Variants in FCHSD2 observed in about 807,000 individuals in gnomAD.
The protein encoded by FCHSD2 is FCH and double SH3 domains 2, also known as F-BAR and double SH3 domains protein 2.
In FCHSD2, 38 loss-of-function variants were observed where a neutral mutation model predicts 108.1. That is an observed-to-expected ratio of 0.35 (90% CI 0.27 to 0.46). The LOEUF (loss-of-function observed/expected upper bound fraction) is 0.46, where lower values mean the gene tolerates loss of function less well. Among genes scored for constraint, FCHSD2 ranks in the 20% least tolerant of loss-of-function variants. The pLI is 1.00. For synonymous variants in FCHSD2, 279 were observed against 314.7 expected, an observed-to-expected ratio of 0.89 and a Z score of 1.20; for missense variants, 751 against 897.8, an observed-to-expected ratio of 0.84 and a Z score of 2.09.
intron 2 of FCHSD2, among the ~76,000 whole-genome samples, chr11:73,136,135 G>C (rs1385330963): frequency 6.6e-6 from 1 of 151,078 alleles, no homozygotes; most frequent in African/African-American, 2.4e-5. Context: ...ATTCCAGCCT[G>C]GGCAACAGAG....
chr11:72,907,464 G>GTT (rs1363198556), intron 9 of FCHSD2, among the ~76,000 whole-genome samples: 2 of 147,820 alleles, frequency 1.4e-5, no homozygotes, highest in African/African-American at 4.9e-5. Flanking sequence ...AATATTGGCT[G>GTT]TGAGTCTGTC....
intron 10 of FCHSD2, among the ~76,000 whole-genome samples, chr11:72,898,170 T>C (rs1366575724): frequency 6.6e-6 from 1 of 152,196 alleles, no homozygotes; most frequent in Admixed American, 6.5e-5. Context: ...TGACTATACA[T>C]ATTCAATTGG....
chr11:73,038,140 T>C (rs991932071), intron 3 of FCHSD2, among the ~76,000 whole-genome samples: 6 of 151,978 alleles, frequency 3.9e-5, no homozygotes, highest in Non-Finnish European at 7.4e-5. Context: ...GGCCAGGAGT[T>C]CAAGCCAAGC....
At chr11:73,020,975 A>G (rs1312007096) in intron 3 of FCHSD2, among the ~76,000 whole-genome samples, 1 of 152,144 alleles carries the variant, frequency 6.6e-6, no homozygotes, top group Non-Finnish European at 1.5e-5. Flanking sequence ...CCTGGGCTCA[A>G]GTGATCCTCC....
chr11:73,000,669 CTA>C (rs1227434634), intron 5 of FCHSD2, among the ~76,000 whole-genome samples: 1 of 152,090 alleles, frequency 6.6e-6, no homozygotes, highest in African/African-American at 2.4e-5. Context: ...AACCTTGTAA[CTA>C]TTCTAATACA....
intron 3 of FCHSD2, among the ~76,000 whole-genome samples, chr11:73,016,773 A>G (rs990470937): frequency 6.6e-6 from 1 of 152,238 alleles, no homozygotes; most frequent in Non-Finnish European, 1.5e-5. Flanking sequence ...GTCACTTCAA[A>G]CAACAAAATA....
At chr11:72,877,430 G>A (rs896268069) in intron 12 of FCHSD2, among the ~76,000 whole-genome samples, 4 of 151,998 alleles carry the variant, frequency 2.6e-5, no homozygotes, top group African/African-American at 9.7e-5. Flanking sequence ...TTCTTTCAAG[G>A]AGAAATTCCT....
chr11:72,978,687 G>C (rs78861246), intron 8 of FCHSD2, among the ~76,000 whole-genome samples: 10,688 of 151,934 alleles, frequency 0.07, 504 homozygotes, highest in South Asian at 0.15. Context: ...TTTAAAAGTG[G>C]CACTTCCCCC....
chr11:72,853,579 TA>T (rs1374776088), intron 13 of FCHSD2, among the ~76,000 whole-genome samples: 1 of 152,140 alleles, frequency 6.6e-6, no homozygotes, highest in African/African-American at 2.4e-5. Flanking sequence ...CACACCCGGC[TA>T]ATCTTTTGTA....
intron 3 of FCHSD2, among the ~76,000 whole-genome samples, chr11:73,021,125 C>T (rs2135439266): frequency 6.6e-6 from 1 of 152,198 alleles, no homozygotes; most frequent in South Asian, 2.1e-4. Context: ...AATGCTCCCA[C>T]CTCTGCCTCC....
chr11:73,060,073 A>G (rs1342881599), intron 3 of FCHSD2, among the ~76,000 whole-genome samples: 1 of 152,226 alleles, frequency 6.6e-6, no homozygotes, highest in Non-Finnish European at 1.5e-5. Flanking sequence ...ATACACTGCT[A>G]TCAGAGATGA....
Position 72,838,710 on chromosome 11 carries a change from G to A in FCHSD2, c.*81C>T, listed in dbSNP as rs756899598. On this transcript the variant is annotated 3_prime_UTR_variant, in exon 20 of 20. Coordinates refer to ENST00000409418, the MANE Select transcript of FCHSD2 (RefSeq NM_014824.3). ...TGCTCTGTTCAAGAGTCATCATCAT[G>A]CAAAGGTGCCTAAAAAACAAGACTG... is the stretch of plus-strand genomic sequence containing the variant. 1.5e-5 allele frequency: 17 copies of A among 1,165,238 alleles called. No homozygotes were observed. Among genetic ancestry groups the A allele is most frequent in the Non-Finnish European group, 1.9e-5 (15 of 798,064 alleles). The allele number at this position is 1,165,238 out of a possible 1,614,324, so 72.2% of individuals were successfully genotyped here. A position where few individuals can be genotyped will look rare whatever the true frequency, so the allele number is the denominator to read the frequency against.
At position 72,902,629 on chromosome 11, in the gene FCHSD2, C is replaced by T; in HGVS notation, c.838G>A (p.Asp280Asn). 6.4e-7 allele frequency: 1 copy of T among 1,567,992 alleles called. No homozygotes were observed. The highest frequency in any genetic ancestry group is 8.7e-7 in the Non-Finnish European group (1 of 1,154,546). ...LLENSSKVVRDYNLQLFLQEN... is the reference protein window; with the variant it reads ...LLENSSKVVRNYNLQLFLQEN... ...TGCAAAAACAGCTGAAGATTGTAGT[C>T]CCGGACCACCTAAAGAGAAAATAAA... The change falls in exon 10 of 20, where the codon GAC (aspartate) becomes AAC (asparagine). Residue 280 changes from aspartate (D) to asparagine (N), a missense_variant. Asp to Asn is a conservative substitution (Grantham distance 23, BLOSUM62 1). Transcript: ENST00000409418.
intron 8 of FCHSD2, among the ~76,000 whole-genome samples, chr11:72,977,264 A>G (rs764989400): frequency 7.9e-5 from 12 of 152,182 alleles, no homozygotes; most frequent in Admixed American, 7.9e-4. Context: ...TCTCTAAGAC[A>G]CTGGACTGGG....
Position 72,838,678 on chromosome 11 carries a change from T to G in FCHSD2, c.*113A>C, listed in dbSNP as rs1860807558. The stretch of plus-strand genomic sequence containing the variant: ...CCACCCAGTCACACATAATCCTCCT[T>G]GTTTTTTGCTCTGTTCAAGAGTCAT... On this transcript the variant is annotated 3_prime_UTR_variant, in exon 20 of 20. Coordinates refer to ENST00000409418, the MANE Select transcript of FCHSD2 (RefSeq NM_014824.3). 1.2e-6 allele frequency: 1 copy of G among 833,880 alleles called. No homozygotes were observed. The highest frequency in any genetic ancestry group is 1.7e-5 in the African/African-American group (1 of 59,366). The allele number at this position is 833,880 out of a possible 1,614,324, so 51.7% of individuals were successfully genotyped here.
At chr11:73,088,289 T>C (rs370246364) in intron 2 of FCHSD2, among the ~76,000 whole-genome samples, 9 of 152,230 alleles carry the variant, frequency 5.9e-5, no homozygotes, top group Admixed American at 2.6e-4. Flanking sequence ...TAACATGTTG[T>C]ACAGGTTTGT....
chr11:72,945,664 A>C (rs942231045), intron 8 of FCHSD2, among the ~76,000 whole-genome samples: 1 of 152,242 alleles, frequency 6.6e-6, no homozygotes, highest in African/African-American at 2.4e-5. Context: ...ACAAAGGGCT[A>C]ATATCTAGAA....
In FCHSD2 at chr11:72,985,157, AATT is replaced by A. The variant is rs761993892; in HGVS notation, c.522-44_522-42del. 24 of 554,336 alleles carry A rather than the reference AATT, an allele frequency of 4.3e-5. No homozygotes were observed. In the African/African-American group the frequency reaches 4.5e-4, roughly 10 times the overall value. The allele number at this position is 554,336 out of a possible 1,614,324, so 34.3% of individuals were successfully genotyped here. On this transcript the variant is annotated intron_variant, in intron 6 of 19. Coordinates refer to ENST00000409418, the MANE Select transcript of FCHSD2 (RefSeq NM_014824.3). ...AAAAGTATGTTTAATAAAATCATCT[AATT>A]ATATCACAATAAAATTACTAAATAT... is the stretch of plus-strand genomic sequence containing the variant.
chr11:73,055,985 A>C (rs980532290), intron 3 of FCHSD2, among the ~76,000 whole-genome samples: 1 of 152,234 alleles, frequency 6.6e-6, no homozygotes, highest in African/African-American at 2.4e-5. Flanking sequence ...ACCCTTAAAA[A>C]TAGTTAAAAT....
Sources: gnomAD v4.1 joint callset for allele counts (sites outside exome capture counted in the v4.1 genomes callset) on GRCh38, gnomAD v4.1.1 for gene constraint, MANE v1.5 for transcripts, NCBI Gene and HGNC (gene_info 2026-07-23, HGNC 2026-07-21) for gene names.